KIAA0825: variants seen among roughly 807,000 people sequenced by gnomAD.
KIAA0825 encodes uncharacterized protein KIAA0825.
Under a neutral mutation model 147.6 loss-of-function variants are expected in KIAA0825, and 119 were observed. The ratio of observed to expected loss-of-function variants is 0.81; its 90% CI spans 0.69 to 0.94. The LOEUF (loss-of-function observed/expected upper bound fraction) is 0.94. KIAA0825 is among the 40% of genes least tolerant of loss of function. The probability of loss-of-function intolerance (pLI) is 0.00; values close to 1 mark genes in which losing one functional copy is unlikely to be tolerated. For missense variants in KIAA0825, 1,381 were observed against 1,472.7 expected, an observed-to-expected ratio of 0.94 and a Z score of 1.02; for synonymous variants, 470 against 518.1, an observed-to-expected ratio of 0.91 and a Z score of 1.26.
At chr5:94,420,418 A>T (rs1156852286) in intron 14 of KIAA0825, among the ~76,000 whole-genome samples, 1 of 152,190 alleles carries the variant, frequency 6.6e-6, no homozygotes, top group Non-Finnish European at 1.5e-5. Flanking sequence ...AATTTCTCAA[A>T]GCCTGCTTTG....
chr5:94,245,145 A>G (rs1428351418), intron 20 of KIAA0825, among the ~76,000 whole-genome samples: 1 of 152,210 alleles, frequency 6.6e-6, no homozygotes, highest in Non-Finnish European at 1.5e-5. Flanking sequence ...TAAAGATAAA[A>G]TGCAAGGGAG....
chr5:94,288,298 T>C (rs1445541718), intron 20 of KIAA0825, among the ~76,000 whole-genome samples: 3 of 151,840 alleles, frequency 2.0e-5, no homozygotes, highest in South Asian at 2.1e-4. Flanking sequence ...CCCAGATTTT[T>C]CCCCCCATCT....
rs1759550759 is a variant in KIAA0825 at position 94,459,523 on chromosome 5, C to T, written c.2246+2864G>A. ...GTTTCTTTTTAAACAAAGGGTAAGGCCATAACCTCGAAAGGCCTAACATTA... is the reference window on the plus strand; with the variant it reads ...GTTTCTTTTTAAACAAAGGGTAAGGTCATAACCTCGAAAGGCCTAACATTA... On this transcript the variant is annotated intron_variant, in intron 12 of 20. Coordinates refer to ENST00000682413, the MANE Select transcript of KIAA0825 (RefSeq NM_001145678.3). Among the ~76,000 whole-genome samples the T allele has an allele frequency of 1.3e-5, 2 of 152,038 alleles. 1 individual carries two copies. Among genetic ancestry groups the T allele is most frequent in the South Asian group, 4.2e-4 (2 of 4,814 alleles).
intron 20 of KIAA0825, among the ~76,000 whole-genome samples, chr5:94,281,636 G>A (rs1478813227): frequency 6.6e-6 from 1 of 152,064 alleles, no homozygotes; most frequent in Admixed American, 6.6e-5. Context: ...CTGCATTGTA[G>A]GATGTCTGGC....
chr5:94,354,087 CA>C (rs1314953244), intron 20 of KIAA0825, among the ~76,000 whole-genome samples: 1 of 152,108 alleles, frequency 6.6e-6, no homozygotes, highest in African/African-American at 2.4e-5. Flanking sequence ...ACTGATCTTT[CA>C]ACTGTTTTCA....
intron 20 of KIAA0825, among the ~76,000 whole-genome samples, chr5:94,165,925 A>G (rs2149932896): frequency 6.6e-6 from 1 of 152,300 alleles, no homozygotes; most frequent in East Asian, 1.9e-4. Flanking sequence ...GAAACAATGA[A>G]TAAGACCTAC....
chr5:94,532,076 C>T (rs1225901429), intron 3 of KIAA0825, among the ~76,000 whole-genome samples: 3 of 152,158 alleles, frequency 2.0e-5, no homozygotes, highest in Admixed American at 6.5e-5. Context: ...TGTACCATCT[C>T]ATTAATAGGC....
intron 10 of KIAA0825, among the ~76,000 whole-genome samples, chr5:94,468,342 T>C (rs1760808421): frequency 6.6e-6 from 1 of 152,224 alleles, no homozygotes. Context: ...AATTGCTCAT[T>C]AGTAGTACAC....
chr5:94,300,610 T>TA (rs1778353340), intron 20 of KIAA0825, among the ~76,000 whole-genome samples: 1 of 152,096 alleles, frequency 6.6e-6, no homozygotes, highest in South Asian at 2.1e-4. Flanking sequence ...TTAATGTTTA[T>TA]AAAAAAACTT....
intron 2 of KIAA0825, chr5:94,568,264 G>C (rs1738507890): frequency 6.3e-6 from 1 of 159,428 alleles, no homozygotes. Flanking sequence ...TTGGCAGCCT[G>C]GCACTTGCAG....
chr5:94,445,554 T>C (rs1223302436), intron 13 of KIAA0825, among the ~76,000 whole-genome samples: 1 of 152,192 alleles, frequency 6.6e-6, no homozygotes, highest in Non-Finnish European at 1.5e-5. Context: ...GTTTCATATA[T>C]GGGGAAACTG....
chr5:94,354,737 A>T (rs1331401671), intron 20 of KIAA0825, among the ~76,000 whole-genome samples: 1 of 152,246 alleles, frequency 6.6e-6, no homozygotes. Context: ...TGAAAAATAA[A>T]TTGAGGCCAT....
chr5:94,567,837 C>G (rs1486932333), intron 2 of KIAA0825: 1 of 155,076 alleles, frequency 6.4e-6, no homozygotes, highest in Non-Finnish European at 1.4e-5. Context: ...CTCCCCTCAG[C>G]CATAGAAGGC....
chr5:94,591,548 C>T (rs78011438), intron 1 of KIAA0825, among the ~76,000 whole-genome samples: 1,829 of 152,316 alleles, frequency 0.012, 33 homozygotes, highest in African/African-American at 0.042. Context: ...TCATTACCAA[C>T]CTATTCATTT....
At chr5:94,420,544 T>G (rs1754049462) in intron 14 of KIAA0825, among the ~76,000 whole-genome samples, 1 of 152,166 alleles carries the variant, frequency 6.6e-6, no homozygotes, top group Non-Finnish European at 1.5e-5. Context: ...GCATTCTACA[T>G]TTTCACATAT....
At chr5:94,259,584 A>T (rs900779730) in intron 20 of KIAA0825, among the ~76,000 whole-genome samples, 2 of 151,998 alleles carry the variant, frequency 1.3e-5, no homozygotes, top group Non-Finnish European at 2.9e-5. Context: ...CTGGAGACTC[A>T]ATGTTTTAGA....
At chr5:94,351,072 A>G (rs1783613706) in intron 20 of KIAA0825, among the ~76,000 whole-genome samples, 1 of 152,080 alleles carries the variant, frequency 6.6e-6, no homozygotes, top group African/African-American at 2.4e-5. Context: ...AGCCAGAGCA[A>G]TCCAGACAAG....
At chr5:94,193,885 G>A (rs907616621) in intron 20 of KIAA0825, among the ~76,000 whole-genome samples, 9 of 152,258 alleles carry the variant, frequency 5.9e-5, no homozygotes, top group African/African-American at 1.9e-4. Flanking sequence ...GATTTAGTCT[G>A]CCCCAATTTG....
chr5:94,450,252 A>C (rs1385852962), intron 13 of KIAA0825, among the ~76,000 whole-genome samples: 1 of 150,466 alleles, frequency 6.6e-6, no homozygotes, highest in East Asian at 2.0e-4. Context: ...TTCTATATGT[A>C]CTTTTTTTTG....
Sources: gnomAD v4.1 joint callset for allele counts (sites outside exome capture counted in the v4.1 genomes callset) on GRCh38, gnomAD v4.1.1 for gene constraint, MANE v1.5 for transcripts, NCBI Gene and HGNC (gene_info 2026-07-23, HGNC 2026-07-21) for gene names.